The following ABHD16A variants were observed in gnomAD, a reference collection of about 807,000 sequenced individuals.
ABHD16A encodes the protein abhydrolase domain containing 16A, phospholipase.
A neutral mutation model predicts 89.8 loss-of-function variants in ABHD16A; 47 were observed. That is an observed-to-expected ratio of 0.52 (90% CI 0.41 to 0.67). ABHD16A has a LOEUF of 0.67. ABHD16A is among the 30% of genes least tolerant of loss of function. The pLI, the probability that ABHD16A is intolerant of heterozygous loss-of-function variation, is 0.00. For missense variants in ABHD16A, 580 were observed against 734.6 expected (o/e 0.79, Z 2.43); for synonymous variants, 251 against 280.4 (o/e 0.90, Z 1.05).
Position 31,690,763 on chromosome 6 carries a change from A to G in ABHD16A, c.844-161T>C, listed in dbSNP as rs1803798802. ...GGAAGCTTCTCATTCCACAGGGTCC[A>G]TAAGAGGAGAAGCAAAGGGATTACA... On this transcript the variant is annotated intron_variant, in intron 9 of 19. Coordinates refer to ENST00000395952, the MANE Select transcript of ABHD16A (RefSeq NM_021160.3). This position sits in a 1 kb window ranked among gnomAD's most constrained non-coding sequence, Gnocchi z 4.1. Among the ~76,000 whole-genome samples, 1 of 152,228 alleles carries G rather than the reference A, an allele frequency of 6.6e-6. No homozygotes were observed. Among genetic ancestry groups the G allele is most frequent in the South Asian group, 2.1e-4 (1 of 4,832 alleles).
At position 31,691,798 on chromosome 6, in the gene ABHD16A, C is replaced by G. The variant is rs772720793; in HGVS notation, c.741+6G>C. 1 of 1,605,170 alleles carries G rather than the reference C, an allele frequency of 6.2e-7. No homozygotes were observed. Among genetic ancestry groups the G allele is most frequent in the South Asian group, 1.1e-5 (1 of 90,346 alleles). Reference sequence around the variant, plus strand: ...TTTAGGGGATGTGCGGGCAGGGAAGCCTCACCTCTTCCACCAGTCGGGCCT... The same window carrying G: ...TTTAGGGGATGTGCGGGCAGGGAAGGCTCACCTCTTCCACCAGTCGGGCCT... On this transcript the variant is annotated splice_donor_region_variant and intron_variant, in intron 8 of 19. Transcript: ENST00000395952.
At position 31,687,661 on chromosome 6, in the gene ABHD16A, G is replaced by A. The variant is rs10573; in HGVS notation, c.1527C>T (p.Pro509=). 120,218 of 1,612,656 alleles carry A rather than the reference G, an allele frequency of 0.075. 5,165 individuals are homozygous for A. The highest frequency in any genetic ancestry group is 0.14 in the African/African-American group (10,377 of 74,932). Residue 509 remains proline, a synonymous_variant, in exon 18 of 20, where the codon CCC becomes CCT. Transcript: ENST00000395952. This position sits in a 1 kb window ranked among gnomAD's most constrained non-coding sequence, Gnocchi z 6.3. ...VLRSYQAEHG[P]DFPWSVGEDM... ...CCTTACCCACGCTCCAGGGGAAGTC[G>A]GGCCCGTGTTCTGCCTGGTAGGAGC...
At chr6:31,696,226 G>A (rs936197332) in intron 5 of ABHD16A, among the ~76,000 whole-genome samples, 1 of 151,940 alleles carries the variant, frequency 6.6e-6, no homozygotes, top group Non-Finnish European at 1.5e-5. Flanking sequence ...AGCTACTCAG[G>A]AGGCTGAGGC....
chr6:31,697,459 T>C (rs564046768), intron 4 of ABHD16A, among the ~76,000 whole-genome samples: 24 of 152,356 alleles, frequency 1.6e-4, no homozygotes, highest in South Asian at 8.3e-4. Context: ...CTGTATATTC[T>C]AGCCCCTTGC....
At chr6:31,692,856 T>A (rs776468355) in intron 7 of ABHD16A, 171 bp downstream of exon 7, 20 of 907,954 alleles carry the variant, frequency 2.2e-5, no homozygotes, top group Non-Finnish European at 3.2e-5. Context: ...GAGCCTCTTT[T>A]CTTCAAACAT....
Position 31,701,444 on chromosome 6 carries a change from A to G in ABHD16A, c.190-104T>C, listed in dbSNP as rs1284108639. 3.4e-6 allele frequency: 3 copies of G among 895,396 alleles called. No homozygotes were observed. The African/African-American group carries it at 4.9e-5, about 15-fold the overall frequency. The allele number at this position is 895,396 out of a possible 1,614,324, so 55.5% of individuals were successfully genotyped here. ...CTGAGCAAGATGGACAACCTGAGGG[A>G]TATCATATCATATTTGGTGTATGAC... On this transcript the variant is annotated intron_variant, in intron 2 of 19. Transcript: ENST00000395952.
intron 5 of ABHD16A, among the ~76,000 whole-genome samples, chr6:31,696,047 C>T (rs948680707): frequency 1.3e-5 from 2 of 151,860 alleles, no homozygotes; most frequent in Admixed American, 1.3e-4. Flanking sequence ...GCCTGTAGTC[C>T]CAGCTACTCA....
chr6:31,690,153 G>A lies in ABHD16A; in HGVS notation c.908-26C>T, dbSNP rs781768701. On this transcript the variant is annotated intron_variant, in intron 10 of 19. Transcript: ENST00000395952. This position sits in a 1 kb window ranked among gnomAD's most constrained non-coding sequence, Gnocchi z 4.1. ...CTGTAACACAGGGGGAGGAGGGACT[G>A]AGACCTTGTGGCCCACAGCCCTTTC... The A allele has an allele frequency of 2.6e-6, 4 of 1,567,466 alleles. No individual in the cohort carries two copies. Among genetic ancestry groups the A allele is most frequent in the Non-Finnish European group, 3.5e-6 (4 of 1,156,968 alleles).
intron 5 of ABHD16A, among the ~76,000 whole-genome samples, chr6:31,696,244 T>C (rs1426019633): frequency 6.6e-6 from 1 of 151,464 alleles, no homozygotes; most frequent in East Asian, 1.9e-4. Context: ...GGCATGAGCA[T>C]TGTTTGAACC....
chr6:31,699,472 T>G (rs1157982181), intron 4 of ABHD16A, among the ~76,000 whole-genome samples: 1 of 148,240 alleles, frequency 6.7e-6, no homozygotes, highest in Non-Finnish European at 1.5e-5. Flanking sequence ...ACCTCAAACA[T>G]GCACATCCCT....
intron 4 of ABHD16A, among the ~76,000 whole-genome samples, chr6:31,699,256 A>C (rs1433845762): frequency 6.6e-6 from 1 of 151,794 alleles, no homozygotes; most frequent in Non-Finnish European, 1.5e-5. Context: ...AAATACAAAA[A>C]AACCTAGCCG....
Position 31,688,589 on chromosome 6 carries a change from G to C in ABHD16A, c.1250+134C>G. 9.2e-7 allele frequency: 1 copy of C among 1,082,920 alleles called. No individual in the cohort carries two copies. The highest frequency in any genetic ancestry group is 1.3e-6 in the Non-Finnish European group (1 of 745,262). 67.1% of individuals were successfully genotyped at this position (1,082,920 alleles called of 1,614,324 possible). ...GGGAGGGGTTAGGCCAGTTGAGGTGGTGGCAGGGTCACTCAGGATGTGAGC... is the reference window on the plus strand; with the variant it reads ...GGGAGGGGTTAGGCCAGTTGAGGTGCTGGCAGGGTCACTCAGGATGTGAGC... On this transcript the variant is annotated intron_variant, in intron 14 of 19. Coordinates refer to ENST00000395952, the MANE Select transcript of ABHD16A (RefSeq NM_021160.3). This position sits in a 1 kb window ranked among gnomAD's most constrained non-coding sequence, Gnocchi z 4.9.
rs116797187 is a variant in ABHD16A, at chr6:31,689,917, G to A, written c.957+161C>T. Among the ~76,000 whole-genome samples, 1,295 of 152,310 alleles carry A rather than the reference G, an allele frequency of 8.5e-3. 7 individuals carry two copies. Among genetic ancestry groups the A allele is most frequent in the Middle Eastern group, 0.078 (23 of 294 alleles). On this transcript the variant is annotated intron_variant, in intron 11 of 19. Coordinates refer to ENST00000395952, the MANE Select transcript of ABHD16A (RefSeq NM_021160.3). ...GCTAGCCCCGCACTGTGGGGATGGG[G>A]GCATGGCTCCCAATGCTGCCTTCAC... is the stretch of plus-strand genomic sequence containing the variant.
intron 1 of ABHD16A, 147 bp downstream of exon 1, chr6:31,703,003 A>G: frequency 1.5e-6 from 2 of 1,350,750 alleles, no homozygotes; most frequent in Non-Finnish European, 1.9e-6. Context: ...ACTTTAACTC[A>G]GGAAGCACAC....
Position 31,701,357 on chromosome 6 carries a change from G to A in ABHD16A, c.190-17C>T. On this transcript the variant is annotated splice_polypyrimidine_tract_variant and intron_variant, in intron 2 of 19. Coordinates refer to ENST00000395952, the MANE Select transcript of ABHD16A (RefSeq NM_021160.3). ...TACTGAAGCCTGCAGCAGAGAGACAGGGACAGGCAATCAATACACACACAC... is the reference window on the plus strand; with the variant it reads ...TACTGAAGCCTGCAGCAGAGAGACAAGGACAGGCAATCAATACACACACAC... The A allele has an allele frequency of 6.3e-7, 1 of 1,586,366 alleles. No homozygotes were observed. The highest frequency in any genetic ancestry group is 8.6e-7 in the Non-Finnish European group (1 of 1,167,090).
Position 31,702,105 on chromosome 6 carries a change from A to G in ABHD16A, c.158T>C (p.Leu53Pro). 1.2e-6 allele frequency: 2 copies of G among 1,613,108 alleles called. No individual in the cohort carries two copies. Among genetic ancestry groups the G allele is most frequent in the Non-Finnish European group, 1.7e-6 (2 of 1,180,032 alleles). The change falls in exon 2 of 20, where the codon CTG becomes CCG. Residue 53 changes from leucine (L) to proline (P), a missense_variant. Transcript: ENST00000395952. Reference sequence around the variant, plus strand: ...CAGGATGCTGTCAGCATGTTTCTCCAGGGCACGGGGCTGATAGTACGTATC... The same window carrying G: ...CAGGATGCTGTCAGCATGTTTCTCCGGGGCACGGGGCTGATAGTACGTATC... ...SWDTYYQPRALEKHADSILAL... is the reference protein window; with the variant it reads ...SWDTYYQPRAPEKHADSILAL...
In ABHD16A at chr6:31,701,149, G is replaced by A. The variant is rs994285790; in HGVS notation, c.257-121C>T. ...TGGAACAGCCATACCCTAAGAGGAA[G>A]AAGATGCCTGATGGAAGAGGGAAGC... On this transcript the variant is annotated intron_variant, in intron 3 of 19. Coordinates refer to ENST00000395952, the MANE Select transcript of ABHD16A (RefSeq NM_021160.3). 3.0e-6 allele frequency: 4 copies of A among 1,320,792 alleles called. No individual in the cohort carries two copies. The Admixed American group carries it at 7.3e-5, about 24-fold the overall frequency. 81.8% of individuals were successfully genotyped at this position (1,320,792 alleles called of 1,614,324 possible). A position where few individuals can be genotyped will look rare whatever the true frequency, so the allele number is the denominator to read the frequency against.
chr6:31,691,954 T>A (rs805282), intron 7 of ABHD16A, 36 bp from the exon 8 acceptor site: 1 of 1,529,870 alleles, frequency 6.5e-7, no homozygotes, highest in East Asian at 2.3e-5. Context: ...CCCAACCCTG[T>A]TGAGGCCTGG....
At position 31,688,447 on chromosome 6, in the gene ABHD16A, A is replaced by T; in HGVS notation, c.1251-142T>A. ...TGACCTAGCCCTTCACTCAGGGGTG[A>T]GAGGGGATTATTTAAGGGGCATGGT... On this transcript the variant is annotated intron_variant, in intron 14 of 19. Coordinates refer to ENST00000395952, the MANE Select transcript of ABHD16A (RefSeq NM_021160.3). The surrounding 1 kb of genome is among the most constrained non-coding windows in gnomAD (Gnocchi z 4.9). 1.1e-6 allele frequency: 1 copy of T among 901,356 alleles called. No homozygotes were observed. Among genetic ancestry groups the T allele is most frequent in the Non-Finnish European group, 1.7e-6 (1 of 574,324 alleles). 55.8% of individuals were successfully genotyped at this position (901,356 alleles called of 1,614,324 possible).
Sources: allele counts gnomAD v4.1 joint callset (sites outside exome capture counted in the v4.1 genomes callset), GRCh38; gene constraint gnomAD v4.1.1; non-coding constraint Gnocchi (gnomAD v3.1); transcripts MANE v1.5; gene names NCBI Gene and HGNC (gene_info 2026-07-23, HGNC 2026-07-21).